Variants in ABL1 observed in about 807,000 individuals in gnomAD.
The protein encoded by ABL1 is ABL proto-oncogene 1, non-receptor tyrosine kinase, also known as tyrosine-protein kinase ABL1.
A neutral mutation model predicts 94.7 loss-of-function variants in ABL1; 11 were observed. The observed-to-expected ratio is 0.12, with a 90% CI of 0.07 to 0.19. The LOEUF (loss-of-function observed/expected upper bound fraction) is 0.19, where lower values mean the gene tolerates loss of function less well. Among genes scored for constraint, ABL1 ranks in the 10% least tolerant of loss-of-function variants. The pLI is 1.00. For synonymous variants in ABL1, 656 were observed against 622.4 expected (o/e 1.05, Z -0.80); for missense variants, 1,082 against 1,489.4 (o/e 0.73, Z 4.50).
At chr9:130,720,195 G>A (rs1218474283) in intron 1 of ABL1, among the ~76,000 whole-genome samples, 1 of 152,152 alleles carries the variant, frequency 6.6e-6, no homozygotes, top group Non-Finnish European at 1.5e-5. Context: ...ACATTCTAGT[G>A]GGAGGAGACA....
chr9:130,885,007 C>G lies in ABL1; in HGVS notation c.2717C>G (p.Ser906Cys), dbSNP rs1564324335. ...GCCCCGCCGCCCCCACCAGCAGCCT[C>G]TGCAGGGAAGGCTGGAGGAAAGCCC... is the stretch of plus-strand genomic sequence containing the variant. ...KPAPPPPPAASAGKAGGKPSQ... is the reference protein window; with the variant it reads ...KPAPPPPPAACAGKAGGKPSQ... Residue 906 changes from serine to cysteine, a missense_variant, in exon 11 of 11, where the codon TCT becomes TGT. By Grantham distance (112) the Ser-to-Cys change is moderately radical. Around this residue, in one of 7 missense-constraint regions of ABL1, gnomAD observed 780 missense variants for 835.8 expected, o/e 0.93. Coordinates refer to ENST00000318560, the MANE Select transcript of ABL1 (RefSeq NM_005157.6). 1.2e-6 allele frequency: 2 copies of G among 1,611,722 alleles called. No homozygotes were observed. The highest frequency in any genetic ancestry group is 3.3e-5 in the Admixed American group (2 of 59,866).
intron 1 of ABL1, among the ~76,000 whole-genome samples, chr9:130,745,352 G>T (rs1044257774): frequency 4.6e-5 from 7 of 151,962 alleles, no homozygotes; most frequent in Non-Finnish European, 8.8e-5. Context: ...CCAAAGTGCT[G>T]GGATTACAGG....
rs765100572 is a variant in ABL1, at chr9:130,887,511, T to A, written c.*1828T>A. On this transcript the variant is annotated 3_prime_UTR_variant, in exon 11 of 11. Coordinates refer to ENST00000318560, the MANE Select transcript of ABL1 (RefSeq NM_005157.6). ...TATAGACGCTCTTTTCTAAGTGGCG[T>A]GTGCATAGCGTCCTGCCCTGCCCCC... 6 of 233,362 alleles carry A rather than the reference T, an allele frequency of 2.6e-5. No homozygotes were observed. Among genetic ancestry groups the A allele is most frequent in the Non-Finnish European group, 4.2e-5 (5 of 117,966 alleles). The allele number at this position is 233,362 out of a possible 1,614,324, so 14.5% of individuals were successfully genotyped here. A position where few individuals can be genotyped will look rare whatever the true frequency, so the allele number is the denominator to read the frequency against.
intron 1 of ABL1, among the ~76,000 whole-genome samples, chr9:130,807,428 C>T (rs932074898): frequency 6.6e-6 from 1 of 151,460 alleles, no homozygotes; most frequent in Non-Finnish European, 1.5e-5. Context: ...TTAGTAGAGA[C>T]GGGATTTCAC....
intron 1 of ABL1, among the ~76,000 whole-genome samples, chr9:130,818,043 A>G (rs1439520886): frequency 6.6e-6 from 1 of 152,176 alleles, no homozygotes; most frequent in African/African-American, 2.4e-5. Flanking sequence ...TAAGGGTGCT[A>G]TTTTGCATTA....
chr9:130,880,605 A>G lies in ABL1; in HGVS notation c.1619A>G (p.Glu540Gly). ...TKTRTSRRAA[E>G]HRDTTDVPEM... ...ACGAGGACCTCCAGGAGAGCTGCAGAGCACAGAGACACCACTGACGTGCCT... is the reference window on the plus strand; with the variant it reads ...ACGAGGACCTCCAGGAGAGCTGCAGGGCACAGAGACACCACTGACGTGCCT... Residue 540 changes from glutamate (E) to glycine (G), a missense_variant, in exon 10 of 11, where the codon GAG becomes GGG. By Grantham distance (98) the Glu-to-Gly change is moderately conservative. This residue lies in a region of ABL1 where 780 missense variants were observed against 835.8 expected (regional missense o/e 0.93). Transcript: ENST00000318560. The surrounding 1 kb of genome is among the most constrained non-coding windows in gnomAD (Gnocchi z 4.4). 1.9e-6 allele frequency: 3 copies of G among 1,613,632 alleles called. No homozygotes were observed. Among genetic ancestry groups the G allele is most frequent in the Non-Finnish European group, 2.5e-6 (3 of 1,179,832 alleles).
At chr9:130,838,641 A>G (rs957229046) in intron 1 of ABL1, among the ~76,000 whole-genome samples, 1 of 152,174 alleles carries the variant, frequency 6.6e-6, no homozygotes, top group African/African-American at 2.4e-5. Flanking sequence ...AGCAGTATCT[A>G]TTCACCAGGA....
chr9:130,748,969 C>T (rs1222893256), intron 1 of ABL1, among the ~76,000 whole-genome samples: 1 of 152,138 alleles, frequency 6.6e-6, no homozygotes, highest in Admixed American at 6.5e-5. Context: ...TTATCCCTCC[C>T]AGCCCTCAGC....
At chr9:130,752,915 C>T (rs1354090990) in intron 1 of ABL1, among the ~76,000 whole-genome samples, 2 of 150,426 alleles carry the variant, frequency 1.3e-5, no homozygotes, top group African/African-American at 4.9e-5. Flanking sequence ...GCCAAGATCG[C>T]GCCATTGCAC....
At chr9:130,757,769 C>T (rs1013872407) in intron 1 of ABL1, among the ~76,000 whole-genome samples, 1 of 152,008 alleles carries the variant, frequency 6.6e-6, no homozygotes, top group African/African-American at 2.4e-5. Flanking sequence ...TCTCGATCTC[C>T]TGACCTTGTG....
intron 1 of ABL1, among the ~76,000 whole-genome samples, chr9:130,802,684 C>T (rs1472866558): frequency 6.6e-6 from 1 of 152,006 alleles, no homozygotes; most frequent in African/African-American, 2.4e-5. Context: ...TTGTCTATTC[C>T]AGCATTTTGT....
At chr9:130,777,339 A>G (rs1829680967) in intron 1 of ABL1, among the ~76,000 whole-genome samples, 2 of 152,228 alleles carry the variant, frequency 1.3e-5, no homozygotes, top group African/African-American at 2.4e-5. Flanking sequence ...TCAGTATTGG[A>G]CTAATGAGTA....
rs1021481710 is a variant in ABL1, at chr9:130,885,616, C to T, written c.3326C>T (p.Ala1109Val). ...ICPATAGSGP[A>V]ATQDFSKLLS... ...CCGGCGACAGCAGGCAGTGGTCCAG[C>T]GGCCACTCAGGACTTCAGCAAGCTC... The change falls in exon 11 of 11, where the codon GCG (alanine) becomes GTG (valine). Residue 1109 changes from alanine (A) to valine (V), a missense_variant. Physicochemically the swap from Ala to Val is moderately conservative, Grantham distance 64. This residue lies in a region of ABL1 where 780 missense variants were observed against 835.8 expected (regional missense o/e 0.93). Coordinates refer to ENST00000318560, the MANE Select transcript of ABL1 (RefSeq NM_005157.6). The T allele has an allele frequency of 1.1e-5, 17 of 1,613,384 alleles. No individual in the cohort carries two copies. The highest frequency in any genetic ancestry group is 2.2e-5 in the East Asian group (1 of 44,880).
intron 1 of ABL1, among the ~76,000 whole-genome samples, chr9:130,744,876 A>T (rs1831867320): frequency 6.6e-6 from 1 of 151,474 alleles, no homozygotes. Context: ...AAAAAAAACA[A>T]AACTATCTTT....
intron 1 of ABL1, among the ~76,000 whole-genome samples, chr9:130,769,051 G>A (rs1832219611): frequency 2.0e-5 from 3 of 152,100 alleles, no homozygotes; most frequent in South Asian, 4.1e-4. Context: ...GTATGGCCTG[G>A]GGACGTGAGG....
At chr9:130,858,513 C>T (rs1831010705) in intron 3 of ABL1, among the ~76,000 whole-genome samples, 1 of 152,086 alleles carries the variant, frequency 6.6e-6, no homozygotes, top group Non-Finnish European at 1.5e-5. Context: ...GAGCCCACAG[C>T]GTCATCCAGC....
At chr9:130,807,846 C>T (rs193143984) in intron 1 of ABL1, among the ~76,000 whole-genome samples, 2,309 of 150,430 alleles carry the variant, frequency 0.015, 16 homozygotes, top group Non-Finnish European at 0.023. Flanking sequence ...CACAGGCACC[C>T]GCCACCATGC....
intron 1 of ABL1, among the ~76,000 whole-genome samples, chr9:130,795,988 C>T (rs571902606): frequency 2.0e-5 from 3 of 148,912 alleles, no homozygotes; most frequent in Non-Finnish European, 4.5e-5. Flanking sequence ...GGTCGGAGTT[C>T]GAGGCTAAAA....
intron 1 of ABL1, among the ~76,000 whole-genome samples, chr9:130,729,433 G>A (rs1831633420): frequency 6.6e-6 from 1 of 152,130 alleles, no homozygotes; most frequent in Admixed American, 6.6e-5. Context: ...ACCTGCCTCA[G>A]CATCCTCAAA....
Sources: gnomAD v4.1 joint callset for allele counts (sites outside exome capture counted in the v4.1 genomes callset) on GRCh38, gnomAD v4.1.1 for gene constraint, gnomAD v4.1.1 regional missense constraint, Gnocchi (gnomAD v3.1) non-coding constraint, MANE v1.5 for transcripts, NCBI Gene and HGNC (gene_info 2026-07-23, HGNC 2026-07-21) for gene names.